MAGOHB: variants seen among roughly 807,000 people sequenced by gnomAD.
MAGOHB encodes protein mago nashi homolog 2.
MAGOHB carries 15 observed loss-of-function variants against 20.9 expected under a neutral mutation model. The observed-to-expected ratio is 0.72, with a 90% confidence interval of 0.48 to 1.11. The LOEUF is 1.11. Among genes scored for constraint, MAGOHB ranks in the 50% least tolerant of loss-of-function variants. The probability of loss-of-function intolerance (pLI) is 0.00; values close to 1 mark genes in which losing one functional copy is unlikely to be tolerated. For synonymous variants in MAGOHB, 50 were observed against 57.9 expected, an observed-to-expected ratio of 0.86 and a Z score of 0.62; for missense variants, 162 against 177.6, an observed-to-expected ratio of 0.91 and a Z score of 0.50.
downstream of MAGOHB, among the ~76,000 whole-genome samples, chr12:10,600,603 A>T (rs557662179): frequency 5.3e-5 from 8 of 152,130 alleles, no homozygotes; most frequent in Non-Finnish European, 1.2e-4. Flanking sequence ...TTTCCCACGA[A>T]ATCTCACTTC....
chr12:10,600,805 T>C (rs918600263), downstream of MAGOHB, among the ~76,000 whole-genome samples: 4 of 152,202 alleles, frequency 2.6e-5, no homozygotes, highest in African/African-American at 4.8e-5. Flanking sequence ...GGAAACCAAC[T>C]TAAATTGTTC....
At chr12:10,612,026 G>A (rs1010587234) in intron 1 of MAGOHB, among the ~76,000 whole-genome samples, 1 of 151,890 alleles carries the variant, frequency 6.6e-6, no homozygotes, top group Admixed American at 6.6e-5. Flanking sequence ...TTATGGGGAC[G>A]GTAAGGTTAA....
At chr12:10,601,669 T>C (rs745851496), downstream of MAGOHB, among the ~76,000 whole-genome samples, 13 of 152,226 alleles carry the variant, frequency 8.5e-5, no homozygotes, top group Non-Finnish European at 1.9e-4. Context: ...GGCATATATA[T>C]GGTGGGCTCT....
At position 10,613,538 on chromosome 12, in the gene MAGOHB, T is replaced by A; in HGVS notation, c.-6A>T. The A allele has an allele frequency of 6.2e-7, 1 of 1,609,222 alleles. No individual in the cohort carries two copies. The highest frequency in any genetic ancestry group is 8.5e-7 in the Non-Finnish European group (1 of 1,175,532). Reference sequence around the variant, plus strand: ...AAATCGCTAGCCACAGCCATTTTTGTACCCGGGAAGCCCGCCGAAAACGCA... The same window carrying A: ...AAATCGCTAGCCACAGCCATTTTTGAACCCGGGAAGCCCGCCGAAAACGCA... On this transcript the variant is annotated 5_prime_UTR_variant, in exon 1 of 5. Transcript: ENST00000320756.
chr12:10,613,065 C>G, intron 1 of MAGOHB: 3 of 704,010 alleles, frequency 4.3e-6, no homozygotes, highest in Non-Finnish European at 6.2e-6. Flanking sequence ...TCAAAGAAAA[C>G]ACACAGCCTA....
At chr12:10,603,313 C>CAA (rs11296285), downstream of MAGOHB, among the ~76,000 whole-genome samples, 28 of 75,088 alleles carry the variant, frequency 3.7e-4, no homozygotes, top group South Asian at 4.9e-4. Flanking sequence ...GACTCCGTCT[C>CAA]AAAAAAAAAA....
chr12:10,607,280 T>A (rs1456367446), intron 4 of MAGOHB, among the ~76,000 whole-genome samples: 1 of 152,146 alleles, frequency 6.6e-6, no homozygotes. Context: ...AAATAGGTTA[T>A]TACAATTCAG....
rs1342829676 is a variant in MAGOHB, at chr12:10,608,329, T to C, written c.265-393A>G. The C allele has an allele frequency of 3.1e-5, 5 of 158,908 alleles. 1 individual carries two copies. Among genetic ancestry groups the C allele is most frequent in the East Asian group, 1.9e-4 (1 of 5,346 alleles). 9.8% of individuals were successfully genotyped at this position (158,908 alleles called of 1,614,324 possible). On this transcript the variant is annotated intron_variant, in intron 3 of 4. Coordinates refer to ENST00000320756, the MANE Select transcript of MAGOHB (RefSeq NM_018048.5). The stretch of plus-strand genomic sequence containing the variant: ...ATACACATTTTTTCTTTCTGGAAGA[T>C]TCTACAAATAAAATGTGTAATATTA...
At chr12:10,612,223 A>G (rs2120542069) in intron 1 of MAGOHB, among the ~76,000 whole-genome samples, 1 of 149,790 alleles carries the variant, frequency 6.7e-6, no homozygotes, top group Non-Finnish European at 1.5e-5. Flanking sequence ...AACATAACAT[A>G]ACATAACATA....
chr12:10,608,908 C>G (rs1014584258), intron 3 of MAGOHB: 1 of 152,184 alleles, frequency 6.6e-6, no homozygotes, highest in Non-Finnish European at 1.5e-5. Context: ...CCCCACTAAC[C>G]AAAACCCATG....
At chr12:10,606,918 A>G (rs1012056916) in intron 4 of MAGOHB, among the ~76,000 whole-genome samples, 3 of 152,176 alleles carry the variant, frequency 2.0e-5, no homozygotes, top group Admixed American at 6.5e-5. Flanking sequence ...AGTTCCATAG[A>G]AGAGATGCTC....
Position 10,609,813 on chromosome 12 carries a change from G to A in MAGOHB, c.264+18C>T. On this transcript the variant is annotated intron_variant, in intron 3 of 4. Transcript: ENST00000320756. ...AATTTTTAATATTTATACACTTAAA[G>A]AATCACTAAATACAAACCTGTCGGC... The A allele has an allele frequency of 6.9e-7, 1 of 1,444,244 alleles. No individual in the cohort carries two copies. Among genetic ancestry groups the A allele is most frequent in the South Asian group, 1.2e-5 (1 of 86,234 alleles). 89.5% of individuals were successfully genotyped at this position (1,444,244 alleles called of 1,614,324 possible). A position where few individuals can be genotyped will look rare whatever the true frequency, so the allele number is the denominator to read the frequency against.
In MAGOHB at chr12:10,606,117, A is replaced by G; in HGVS notation, c.*158T>C. ...TGTCCAACCCATATGGACTCAAGTA[A>G]GGATAACCATTAAGCTTGCTAATGT... On this transcript the variant is annotated 3_prime_UTR_variant, in exon 5 of 5. Transcript: ENST00000320756. 2.0e-6 allele frequency: 1 copy of G among 497,224 alleles called. No individual in the cohort carries two copies. Among genetic ancestry groups the G allele is most frequent in the East Asian group, 3.6e-5 (1 of 27,988 alleles). 30.8% of individuals were successfully genotyped at this position (497,224 alleles called of 1,614,324 possible).
chr12:10,602,891 C>G (rs1865566449), downstream of MAGOHB, among the ~76,000 whole-genome samples: 1 of 152,092 alleles, frequency 6.6e-6, no homozygotes, highest in African/African-American at 2.4e-5. Context: ...CTGCCCCAGA[C>G]TAAAATGAAG....
chr12:10,605,285 G>C lies in MAGOHB; in HGVS notation c.*990C>G, dbSNP rs1299884530. On this transcript the variant is annotated 3_prime_UTR_variant, in exon 5 of 5. Transcript: ENST00000320756. Reference sequence around the variant, plus strand: ...AGTTATTGGACTGCCCGACTCTAGAGCCTACCTGCTCAGGAGTCCTGGCAA... The same window carrying C: ...AGTTATTGGACTGCCCGACTCTAGACCCTACCTGCTCAGGAGTCCTGGCAA... 6.6e-6 allele frequency: 1 copy of C among 152,150 alleles called. No individual in the cohort carries two copies. The highest frequency in any genetic ancestry group is 1.9e-4 in the East Asian group (1 of 5,196). The allele number at this position is 152,150 out of a possible 1,614,324, so 9.4% of individuals were successfully genotyped here.
At chr12:10,603,754 C>A (rs1174866058), downstream of MAGOHB, among the ~76,000 whole-genome samples, 1 of 152,156 alleles carries the variant, frequency 6.6e-6, no homozygotes, top group Non-Finnish European at 1.5e-5. Flanking sequence ...ATTCTGAACT[C>A]ACCCTCAAAT....
chr12:10,602,766 T>G (rs1448613694), downstream of MAGOHB, among the ~76,000 whole-genome samples: 1 of 152,204 alleles, frequency 6.6e-6, no homozygotes, highest in African/African-American at 2.4e-5. Flanking sequence ...CTCATTCCTT[T>G]CTGACCATAC....
At chr12:10,611,780 A>C (rs561210461) in intron 1 of MAGOHB, among the ~76,000 whole-genome samples, 12 of 151,050 alleles carry the variant, frequency 7.9e-5, no homozygotes, top group East Asian at 3.9e-4. Flanking sequence ...AAAAAAGAAA[A>C]GAAACGCGTC....
chr12:10,603,650 C>T (rs888931885), downstream of MAGOHB, among the ~76,000 whole-genome samples: 3 of 152,154 alleles, frequency 2.0e-5, no homozygotes, highest in Non-Finnish European at 4.4e-5. Context: ...TCCACCACAT[C>T]ACACAGTTCA....
Sources: gnomAD v4.1 joint callset for allele counts (sites outside exome capture counted in the v4.1 genomes callset) on GRCh38, gnomAD v4.1.1 for gene constraint, MANE v1.5 for transcripts, NCBI Gene and HGNC (gene_info 2026-07-23, HGNC 2026-07-21) for gene names.